The following VIPR2 variants were observed in gnomAD, a reference collection of about 807,000 sequenced individuals.
VIPR2 encodes vasoactive intestinal peptide receptor 2.
Under a neutral mutation model 58.0 loss-of-function variants are expected in VIPR2, and 48 were observed. That is an observed-to-expected ratio of 0.83 (90% CI 0.66 to 1.05). VIPR2 has a LOEUF of 1.05. Ranked by LOEUF, VIPR2 falls within the 50% of genes least tolerant of loss-of-function variation. The probability of loss-of-function intolerance (pLI) is 0.00; values close to 1 mark genes in which losing one functional copy is unlikely to be tolerated. For synonymous variants in VIPR2, 243 were observed against 235.2 expected (o/e 1.03, Z -0.30); for missense variants, 534 against 558.0 (o/e 0.96, Z 0.43).
intron 4 of VIPR2, among the ~76,000 whole-genome samples, chr7:159,073,838 G>A (rs560311077): frequency 2.0e-5 from 3 of 152,316 alleles, no homozygotes; most frequent in African/African-American, 7.2e-5. Context: ...CTTCTGGGCT[G>A]TGGAGCTGTC....
At chr7:159,058,758 A>G (rs1563281668) in intron 4 of VIPR2, among the ~76,000 whole-genome samples, 180 bp from the exon 5 acceptor site, 1 of 152,220 alleles carries the variant, frequency 6.6e-6, no homozygotes, top group Non-Finnish European at 1.5e-5. Flanking sequence ...GACACCCACA[A>G]TTTGGAACCT....
intron 3 of VIPR2, 100 bp from the exon 4 acceptor site, chr7:159,103,954 C>T: frequency 2.0e-6 from 2 of 1,016,678 alleles, no homozygotes; most frequent in Non-Finnish European, 3.0e-6. Flanking sequence ...TAAAATGCTT[C>T]CCACACCCAG....
In VIPR2 at chr7:159,093,594, C is replaced by G. The variant is rs1389345155; in HGVS notation, c.357+10163G>C. Among the ~76,000 whole-genome samples the G allele has an allele frequency of 6.6e-6, 1 of 152,202 alleles. No homozygotes were observed. The highest frequency in any genetic ancestry group is 1.5e-5 in the Non-Finnish European group (1 of 68,038). ...GCAGAGCAGCGCTGGGCTCAGGATCCGAGATGGGAGCGAGGAGCTGTTCCA... is the reference window on the plus strand; with the variant it reads ...GCAGAGCAGCGCTGGGCTCAGGATCGGAGATGGGAGCGAGGAGCTGTTCCA... On this transcript the variant is annotated intron_variant, in intron 4 of 12. Transcript: ENST00000262178. This position sits in a 1 kb window ranked among gnomAD's most constrained non-coding sequence, Gnocchi z 6.7.
intron 5 of VIPR2, among the ~76,000 whole-genome samples, chr7:159,047,375 TTTAA>T (rs1854720618): frequency 1.3e-5 from 2 of 152,250 alleles, no homozygotes; most frequent in Non-Finnish European, 2.9e-5. Context: ...TTTTGAATTC[TTTAA>T]TTACAGAAGA....
chr7:159,072,481 T>C (rs1856456434), intron 4 of VIPR2, among the ~76,000 whole-genome samples: 1 of 152,168 alleles, frequency 6.6e-6, no homozygotes, highest in African/African-American at 2.4e-5. Context: ...AATACCTTTC[T>C]TAATAAGAAA....
At position 159,087,760 on chromosome 7, in the gene VIPR2, C is replaced by T. The variant is rs1330960038; in HGVS notation, c.357+15997G>A. Among the ~76,000 whole-genome samples, 38 of 120,970 alleles carry T rather than the reference C, an allele frequency of 3.1e-4. No homozygotes were observed. In the East Asian group the frequency reaches 3.9e-3, roughly 12 times the overall value. The allele number at this position is 120,970 out of a possible 152,430, so 79.4% of individuals were successfully genotyped here. Reference sequence around the variant, plus strand: ...CTGCCAGGACTCTGATAGTGAGATACGGCTTCCCCAACAAACAATACCCAG... The same window carrying T: ...CTGCCAGGACTCTGATAGTGAGATATGGCTTCCCCAACAAACAATACCCAG... On this transcript the variant is annotated intron_variant, in intron 4 of 12. Transcript: ENST00000262178.
chr7:159,061,155 C>G (rs1412621605), intron 4 of VIPR2, among the ~76,000 whole-genome samples: 1 of 152,022 alleles, frequency 6.6e-6, no homozygotes, highest in African/African-American at 2.4e-5. Flanking sequence ...CACGTGTTCT[C>G]GTAAGTGGGA....
At chr7:159,103,967 G>A (rs1022443625) in intron 3 of VIPR2, 113 bp from the exon 4 acceptor site, 5 of 879,552 alleles carry the variant, frequency 5.7e-6, no homozygotes, top group South Asian at 3.1e-5. Context: ...ACACCCAGGG[G>A]TCAGCTAGGA....
chr7:159,139,842 C>T (rs1234365189), intron 2 of VIPR2, among the ~76,000 whole-genome samples: 1 of 152,266 alleles, frequency 6.6e-6, no homozygotes, highest in African/African-American at 2.4e-5. Flanking sequence ...TGGACAAAGC[C>T]CCCTCAGGGA....
At chr7:159,117,580 C>T (rs1796287225) in intron 2 of VIPR2, among the ~76,000 whole-genome samples, 1 of 152,248 alleles carries the variant, frequency 6.6e-6, no homozygotes, top group Non-Finnish European at 1.5e-5. Flanking sequence ...CTCATGCTCT[C>T]TTTGGACAAT....
At position 159,034,648 on chromosome 7, in the gene VIPR2, C is replaced by G. The variant is rs781365999; in HGVS notation, c.812G>C (p.Cys271Ser). The change falls in exon 9 of 13, where the codon TGC becomes TCC. Residue 271 changes from cysteine to serine, a missense_variant and splice_region_variant. By Grantham distance (112) the Cys-to-Ser change is moderately radical. Around this residue, in one of 3 missense-constraint regions of VIPR2, gnomAD observed 306 missense variants for 285.8 expected, o/e 1.07. Transcript: ENST00000262178. ...AARLYLEDTG[C>S]WDTNDHSVPW... ...CACACTGTGGTCGTTTGTATCCCAG[C>G]AACTGTCAGAGAGAGATGGGAAATC... 6.2e-7 allele frequency: 1 copy of G among 1,613,712 alleles called. No homozygotes were observed. The highest frequency in any genetic ancestry group is 8.5e-7 in the Non-Finnish European group (1 of 1,179,728).
At chr7:159,032,515 G>A (rs1435654610) in intron 10 of VIPR2, among the ~76,000 whole-genome samples, 1 of 152,336 alleles carries the variant, frequency 6.6e-6, no homozygotes, top group African/African-American at 2.4e-5. Context: ...CCTGCAGCTC[G>A]TAACAGCTGG....
At chr7:159,055,898 A>G (rs1855295269) in intron 5 of VIPR2, among the ~76,000 whole-genome samples, 1 of 152,222 alleles carries the variant, frequency 6.6e-6, no homozygotes, top group African/African-American at 2.4e-5. Context: ...CAATGGAGGT[A>G]GTAGAAAGTG....
At chr7:159,053,051 A>C (rs1369596178) in intron 5 of VIPR2, among the ~76,000 whole-genome samples, 5 of 152,212 alleles carry the variant, frequency 3.3e-5, no homozygotes, top group Non-Finnish European at 7.3e-5. Context: ...ATCCAAGTGA[A>C]TTTATGGAAT....
Position 159,109,951 on chromosome 7 carries a change from C to A in VIPR2, c.152-32G>T, listed in dbSNP as rs1303903420. On this transcript the variant is annotated intron_variant, in intron 2 of 12. Coordinates refer to ENST00000262178, the MANE Select transcript of VIPR2 (RefSeq NM_003382.5). ...GGAGAGAAGCAGAGTGAGGCAGGTG[C>A]AAGGTGACAGAAGTGTCACAAATAG... 8 of 1,605,618 alleles carry A rather than the reference C, an allele frequency of 5.0e-6. 1 individual carries two copies. The South Asian group carries it at 6.6e-5, about 13-fold the overall frequency.
intron 6 of VIPR2, among the ~76,000 whole-genome samples, chr7:159,038,073 T>C (rs1426613098): frequency 6.6e-6 from 1 of 152,168 alleles, no homozygotes. Flanking sequence ...GGTATACTTA[T>C]ATATATGGGT....
intron 1 of VIPR2, chr7:159,144,372 C>T (rs1443048718): frequency 3.9e-6 from 6 of 1,543,050 alleles, no homozygotes; most frequent in Non-Finnish European, 3.5e-6. Flanking sequence ...ACGCGCAGCC[C>T]GCGCAGGCGC....
At chr7:159,041,890 G>C (rs1352485294) in intron 6 of VIPR2, among the ~76,000 whole-genome samples, 1 of 152,158 alleles carries the variant, frequency 6.6e-6, no homozygotes, top group African/African-American at 2.4e-5. Context: ...CACTTCTTAT[G>C]GGCGTTGACC....
Position 159,097,192 on chromosome 7 carries a change from G to A in VIPR2, c.357+6565C>T. 7.0e-7 allele frequency: 1 copy of A among 1,433,848 alleles called. No individual in the cohort carries two copies. The highest frequency in any genetic ancestry group is 9.2e-7 in the Non-Finnish European group (1 of 1,089,988). 88.8% of individuals were successfully genotyped at this position (1,433,848 alleles called of 1,614,324 possible). A position where few individuals can be genotyped will look rare whatever the true frequency, so the allele number is the denominator to read the frequency against. ...TTTGTCACCAGGGATGGGAGCCCTG[G>A]GGAGTGAAGTTTGCCATCAGTGGGA... On this transcript the variant is annotated intron_variant, in intron 4 of 12. Transcript: ENST00000262178. The surrounding 1 kb of genome is among the most constrained non-coding windows in gnomAD (Gnocchi z 5.3).
Sources: gnomAD v4.1 joint callset for allele counts (sites outside exome capture counted in the v4.1 genomes callset) on GRCh38, gnomAD v4.1.1 for gene constraint, gnomAD v4.1.1 regional missense constraint, Gnocchi (gnomAD v3.1) non-coding constraint, MANE v1.5 for transcripts, NCBI Gene and HGNC (gene_info 2026-07-23, HGNC 2026-07-21) for gene names.